Variants in RAB6A observed in about 807,000 individuals in gnomAD.
The protein encoded by RAB6A is RAB6A, member RAS oncogene family.
A neutral mutation model predicts 32.3 loss-of-function variants in RAB6A; 8 were observed. That is an observed-to-expected ratio of 0.25 (90% CI 0.15 to 0.45). The LOEUF (loss-of-function observed/expected upper bound fraction) is 0.45, where lower values mean the gene tolerates loss of function less well. RAB6A is among the 20% of genes least tolerant of loss of function. RAB6A has a pLI of 1.00. For synonymous variants in RAB6A, 73 were observed against 82.1 expected (o/e 0.89, Z 0.60); for missense variants, 104 against 249.4 (o/e 0.42, Z 3.93).
At chr11:73,746,433 C>T (rs2135004157) in intron 1 of RAB6A, among the ~76,000 whole-genome samples, 1 of 151,940 alleles carries the variant, frequency 6.6e-6, no homozygotes, top group South Asian at 2.1e-4. Context: ...ACACTTGAGC[C>T]CAGGGGTTCA....
At chr11:73,688,136 T>C (rs2134876793) in intron 6 of RAB6A, among the ~76,000 whole-genome samples, 1 of 152,358 alleles carries the variant, frequency 6.6e-6, no homozygotes, top group Non-Finnish European at 1.5e-5. Flanking sequence ...TTAATAAGTA[T>C]GAGAGGAGAT....
At chr11:73,689,975 TAC>T (rs773538228) in intron 6 of RAB6A, among the ~76,000 whole-genome samples, 16 of 152,122 alleles carry the variant, frequency 1.1e-4, no homozygotes, top group Non-Finnish European at 2.4e-4. Context: ...TTAAATATTT[TAC>T]AGTTTGGCTT....
At chr11:73,721,648 C>CA (rs1946134456) in intron 2 of RAB6A, among the ~76,000 whole-genome samples, 2 of 152,214 alleles carry the variant, frequency 1.3e-5, no homozygotes, top group Admixed American at 1.3e-4. Flanking sequence ...GGAAGAAAGA[C>CA]AGACTCCAGA....
intron 6 of RAB6A, among the ~76,000 whole-genome samples, chr11:73,690,244 A>G (rs575492302): frequency 1.6e-4 from 25 of 152,196 alleles, no homozygotes; most frequent in Non-Finnish European, 3.1e-4. Flanking sequence ...AAAGGACACA[A>G]TGATGATGCT....
At chr11:73,757,098 CATATAT>C (rs1170100550) in intron 1 of RAB6A, among the ~76,000 whole-genome samples, 1,621 of 37,612 alleles carry the variant, frequency 0.043, 80 homozygotes, top group East Asian at 0.06. Flanking sequence ...AATATACATA[CATATAT>C]ATATATATAT....
chr11:73,754,460 T>C (rs1946715330), intron 1 of RAB6A, among the ~76,000 whole-genome samples: 1 of 152,240 alleles, frequency 6.6e-6, no homozygotes, highest in African/African-American at 2.4e-5. Context: ...AGTTTCCCCG[T>C]GCCTATATGA....
chr11:73,739,238 G>GTCT (rs1946449302), intron 1 of RAB6A, among the ~76,000 whole-genome samples: 1 of 65,276 alleles, frequency 1.5e-5, no homozygotes, highest in Non-Finnish European at 2.9e-5. Flanking sequence ...GAGCAAGACT[G>GTCT]CAAAAAAAAA....
chr11:73,742,116 T>C (rs1946506094), intron 1 of RAB6A, among the ~76,000 whole-genome samples: 1 of 151,874 alleles, frequency 6.6e-6, no homozygotes, highest in African/African-American at 2.4e-5. Context: ...ACCCTGTCTC[T>C]ACTAAAAATA....
At chr11:73,746,804 A>C (rs1231962288) in intron 1 of RAB6A, among the ~76,000 whole-genome samples, 2 of 151,956 alleles carry the variant, frequency 1.3e-5, no homozygotes, top group Non-Finnish European at 2.9e-5. Context: ...GTAGAACCAG[A>C]CTACTGGGTT....
chr11:73,760,637 G>C lies in RAB6A; in HGVS notation c.-2C>G. The C allele has an allele frequency of 6.2e-7, 1 of 1,609,056 alleles. No homozygotes were observed. Among genetic ancestry groups the C allele is most frequent in the Non-Finnish European group, 8.5e-7 (1 of 1,177,976 alleles). The stretch of plus-strand genomic sequence containing the variant: ...CCCGAAGTCTCCGCCCGTGGACATT[G>C]TGGAACTAGAGGAGCGGCCGCCGCC... On this transcript the variant is annotated 5_prime_UTR_variant, in exon 1 of 8. Transcript: ENST00000336083.
intron 1 of RAB6A, among the ~76,000 whole-genome samples, chr11:73,742,352 T>C (rs921964031): frequency 7.9e-5 from 12 of 152,288 alleles, no homozygotes; most frequent in African/African-American, 1.7e-4. Context: ...TGCCCAGCCT[T>C]GTCTCAAACT....
At chr11:73,736,156 C>T (rs1438760983) in intron 1 of RAB6A, among the ~76,000 whole-genome samples, 2 of 151,914 alleles carry the variant, frequency 1.3e-5, no homozygotes, top group African/African-American at 2.4e-5. Flanking sequence ...AGGCCAGGTG[C>T]GGTGGCTCAT....
chr11:73,743,836 A>G (rs1179988488), intron 1 of RAB6A, among the ~76,000 whole-genome samples: 4 of 152,160 alleles, frequency 2.6e-5, no homozygotes, highest in Non-Finnish European at 5.9e-5. Flanking sequence ...CATAAAATTG[A>G]TATCAGATAT....
At chr11:73,739,259 TAATTAAAA>T (rs1261107739) in intron 1 of RAB6A, among the ~76,000 whole-genome samples, 3 of 8,930 alleles carry the variant, frequency 3.4e-4, no homozygotes, top group African/African-American at 1.5e-3. Context: ...ATAGTAATAA[TAATTAAAA>T]AAAAAAAAAA....
chr11:73,760,425 G>C, intron 1 of RAB6A, 141 bp downstream of exon 1: 2 of 1,142,828 alleles, frequency 1.8e-6, no homozygotes, highest in Non-Finnish European at 2.4e-6. Context: ...GTGGCACCGG[G>C]GGGCACATCG....
At chr11:73,752,221 G>A (rs1274249298) in intron 1 of RAB6A, among the ~76,000 whole-genome samples, 1 of 152,170 alleles carries the variant, frequency 6.6e-6, no homozygotes, top group African/African-American at 2.4e-5. Context: ...CACTTTGGGA[G>A]GCCAAGGGGG....
chr11:73,700,236 T>C (rs1945719402), intron 6 of RAB6A, among the ~76,000 whole-genome samples: 1 of 152,178 alleles, frequency 6.6e-6, no homozygotes, highest in Admixed American at 6.5e-5. Flanking sequence ...AATCACCTTA[T>C]CATTATCATT....
chr11:73,689,895 CAA>C (rs5792626), intron 6 of RAB6A, among the ~76,000 whole-genome samples: 1,096 of 60,864 alleles, frequency 0.018, 5 homozygotes, highest in African/African-American at 0.057. Context: ...GACTCCGTCT[CAA>C]AAAAAAAAAA....
Position 73,760,759 on chromosome 11 carries a change from C to G in RAB6A, c.-124G>C, listed in dbSNP as rs1170852566. Reference sequence around the variant, plus strand: ...CCGAGCTCTCTCGGCCCCTGCAAGGCCCGGTGGAGGAGCCCGGCTGGAGGG... The same window carrying G: ...CCGAGCTCTCTCGGCCCCTGCAAGGGCCGGTGGAGGAGCCCGGCTGGAGGG... On this transcript the variant is annotated 5_prime_UTR_variant, in exon 1 of 8. Coordinates refer to ENST00000336083, the MANE Select transcript of RAB6A (RefSeq NM_198896.2). 1.4e-6 allele frequency: 2 copies of G among 1,386,524 alleles called. No homozygotes were observed. Among genetic ancestry groups the G allele is most frequent in the Non-Finnish European group, 2.0e-6 (2 of 1,018,082 alleles). 85.9% of individuals were successfully genotyped at this position (1,386,524 alleles called of 1,614,324 possible).
Sources: allele counts gnomAD v4.1 joint callset (sites outside exome capture counted in the v4.1 genomes callset), GRCh38; gene constraint gnomAD v4.1.1; transcripts MANE v1.5; gene names NCBI Gene and HGNC (gene_info 2026-07-23, HGNC 2026-07-21).